The following BAG6 variants were observed in gnomAD, a reference collection of about 807,000 sequenced individuals.
BAG6 encodes large proline-rich protein BAG6.
BAG6 carries 22 observed loss-of-function variants against 121.0 expected under a neutral mutation model. That is an observed-to-expected ratio of 0.18 (90% CI 0.13 to 0.26). The LOEUF (loss-of-function observed/expected upper bound fraction) is 0.26. BAG6 is among the 10% of genes least tolerant of loss of function. The pLI is 1.00. For synonymous variants in BAG6, 583 were observed against 584.6 expected, an observed-to-expected ratio of 1.00 and a Z score of 0.04; for missense variants, 1,233 against 1,537.7, an observed-to-expected ratio of 0.80 and a Z score of 3.31.
chr6:31,644,135 G>A lies in BAG6; in HGVS notation c.1615C>T (p.Pro539Ser), dbSNP rs1786084780. 1 of 1,614,102 alleles carries A rather than the reference G, an allele frequency of 6.2e-7. No homozygotes were observed. The highest frequency in any genetic ancestry group is 8.5e-7 in the Non-Finnish European group (1 of 1,179,978). Reference sequence around the variant, plus strand: ...GGATGGGAAGGCCGAGCCTGTGGAGGAGTGGGCCGGGCAATCACCACCCGG... The same window carrying A: ...GGATGGGAAGGCCGAGCCTGTGGAGAAGTGGGCCGGGCAATCACCACCCGG... Reference protein sequence around the residue: ...PTRVVIARPTPPQARPSHPGG... With the variant: ...PTRVVIARPTSPQARPSHPGG... The change falls in exon 13 of 26, where the codon CCT (proline) becomes TCT (serine). Residue 539 changes from proline (P) to serine (S), a missense_variant. Around this residue, in one of 7 missense-constraint regions of BAG6, gnomAD observed 777 missense variants for 861.4 expected, o/e 0.90. Transcript: ENST00000676615. The surrounding 1 kb of genome is among the most constrained non-coding windows in gnomAD (Gnocchi z 4.9).
At chr6:31,647,936 A>T in intron 6 of BAG6, 110 bp from the exon 7 acceptor site, 1 of 1,355,940 alleles carries the variant, frequency 7.4e-7, no homozygotes, top group East Asian at 2.8e-5. Flanking sequence ...CCCTGAAGGC[A>T]TGGCTCTGCA....
Position 31,641,648 on chromosome 6 carries a change from A to G in BAG6, c.2506-56T>C, listed in dbSNP as rs371314232. On this transcript the variant is annotated intron_variant, in intron 17 of 25. Transcript: ENST00000676615. The surrounding 1 kb of genome is among the most constrained non-coding windows in gnomAD (Gnocchi z 5.7). ...AAGCCTCAGTCCTCCCAAGACTTCC[A>G]CCTCGACCCCAACAAGTCCAGGGCT... The G allele has an allele frequency of 8.4e-4, 1,347 of 1,613,038 alleles. 3 individuals carry two copies. Among genetic ancestry groups the G allele is most frequent in the Non-Finnish European group, 1.1e-3 (1,254 of 1,179,054 alleles).
chr6:31,640,484 G>C lies in BAG6; in HGVS notation c.3039C>G (p.Ala1013=). 6.2e-7 allele frequency: 1 copy of C among 1,613,086 alleles called. No individual in the cohort carries two copies. The highest frequency in any genetic ancestry group is 8.5e-7 in the Non-Finnish European group (1 of 1,180,022). ...SPAPGTTAEE[A]MSRGPPPAPE... ...GAGCAGGAGGTGGACCTCGGGACAT[G>C]GCCTCTTCTGCTGTTGTTCCAGGGG... Residue 1013 remains alanine, a synonymous_variant, in exon 23 of 26, where the codon GCC becomes GCG. Coordinates refer to ENST00000676615, the MANE Select transcript of BAG6 (RefSeq NM_001387994.1). This position sits in a 1 kb window ranked among gnomAD's most constrained non-coding sequence, Gnocchi z 4.2.
Position 31,640,173 on chromosome 6 carries a change from G to A in BAG6, c.3246+26C>T. On this transcript the variant is annotated intron_variant, in intron 24 of 25. Transcript: ENST00000676615. This position sits in a 1 kb window ranked among gnomAD's most constrained non-coding sequence, Gnocchi z 4.2. ...TGACGGGGAAACCTGGATAGAGAGA[G>A]AGGCTTAGGGAAGAGGAAAACCAAC... 1 of 1,605,346 alleles carries A rather than the reference G, an allele frequency of 6.2e-7. No homozygotes were observed. Among genetic ancestry groups the A allele is most frequent in the Non-Finnish European group, 8.5e-7 (1 of 1,172,494 alleles).
At chr6:31,646,778 T>G (rs1332559258) in intron 7 of BAG6, among the ~76,000 whole-genome samples, 20 of 131,340 alleles carry the variant, frequency 1.5e-4, no homozygotes, top group Non-Finnish European at 2.8e-4. Context: ...TTTTTTTTTT[T>G]TTTTTTTTTT....
At position 31,647,815 on chromosome 6, in the gene BAG6, CCCT is replaced by C. The variant is rs761786858; in HGVS notation, c.561_563del (p.Gly188del). 3.9e-6 allele frequency: 6 copies of C among 1,548,842 alleles called. No homozygotes were observed. The highest frequency in any genetic ancestry group is 5.2e-6 in the Non-Finnish European group (6 of 1,152,718). On this transcript the variant is annotated inframe_deletion, in exon 7 of 26. Transcript: ENST00000676615. ...GCGGCTGACTGTGCTGCGGTTGGGG[CCCT>C]CCTCGACACTGAAGGTAGGGGAGAG...
In BAG6 at chr6:31,641,499, C is replaced by G. The variant is rs1782714697; in HGVS notation, c.2559+40G>C. ...GAGTGGAGGAGGCAGCTGCCTTGAC[C>G]AGACCCAGGAGAGGAAAGGAATAGA... On this transcript the variant is annotated intron_variant, in intron 18 of 25. Coordinates refer to ENST00000676615, the MANE Select transcript of BAG6 (RefSeq NM_001387994.1). This position sits in a 1 kb window ranked among gnomAD's most constrained non-coding sequence, Gnocchi z 5.7. 6.2e-7 allele frequency: 1 copy of G among 1,613,988 alleles called. No homozygotes were observed. Among genetic ancestry groups the G allele is most frequent in the South Asian group, 1.1e-5 (1 of 91,088 alleles).
At chr6:31,642,005 C>T in intron 16 of BAG6, 60 bp from the exon 17 acceptor site, 3 of 1,601,274 alleles carry the variant, frequency 1.9e-6, no homozygotes, top group South Asian at 1.1e-5. Flanking sequence ...CCACCCACAA[C>T]CAGATCATCA....
At position 31,645,400 on chromosome 6, in the gene BAG6, A is replaced by C. The variant is rs753295551; in HGVS notation, c.1116+7T>G. 2.5e-6 allele frequency: 4 copies of C among 1,613,030 alleles called. No individual in the cohort carries two copies. The highest frequency in any genetic ancestry group is 2.5e-6 in the Non-Finnish European group (3 of 1,180,020). ...CTCTCCCTCAGGCCAGACTCCCCCTAACCCACCTGTATGGGAATGGCTGCC... is the reference window on the plus strand; with the variant it reads ...CTCTCCCTCAGGCCAGACTCCCCCTCACCCACCTGTATGGGAATGGCTGCC... On this transcript the variant is annotated splice_region_variant and intron_variant, in intron 9 of 25. Coordinates refer to ENST00000676615, the MANE Select transcript of BAG6 (RefSeq NM_001387994.1).
chr6:31,642,878 G>C lies in BAG6; in HGVS notation c.1994C>G (p.Ala665Gly). The stretch of plus-strand genomic sequence containing the variant: ...GAGAAAGGCAGGGACACCAGGCATC[G>C]CCACAGTGATGGTGGGAGAAGCCAC... Reference protein sequence around the residue: ...SGVASPTITVAMPGVPAFLQG... With the variant: ...SGVASPTITVGMPGVPAFLQG... The change falls in exon 15 of 26, where the codon GCG (alanine) becomes GGG (glycine). Residue 665 changes from alanine (A) to glycine (G), a missense_variant. Transcript: ENST00000676615. 1.9e-6 allele frequency: 3 copies of C among 1,612,202 alleles called. No homozygotes were observed. The highest frequency in any genetic ancestry group is 2.5e-6 in the Non-Finnish European group (3 of 1,179,368).
In BAG6 at chr6:31,644,802, T is replaced by A; in HGVS notation, c.1369+144A>T. ...CAAACCAACCCCCACACCCCCCACA[T>A]CTGTCTACTTAAGCTTCTGCTCTGG... On this transcript the variant is annotated intron_variant, in intron 10 of 25. Transcript: ENST00000676615. The surrounding 1 kb of genome is among the most constrained non-coding windows in gnomAD (Gnocchi z 4.9). The A allele has an allele frequency of 2.9e-6, 4 of 1,366,172 alleles. No individual in the cohort carries two copies. Among genetic ancestry groups the A allele is most frequent in the Non-Finnish European group, 4.0e-6 (4 of 990,000 alleles). 84.6% of individuals were successfully genotyped at this position (1,366,172 alleles called of 1,614,324 possible).
intron 7 of BAG6, among the ~76,000 whole-genome samples, chr6:31,646,853 A>C (rs1340966115): frequency 2.8e-5 from 4 of 142,298 alleles, no homozygotes; most frequent in Non-Finnish European, 6.0e-5. Context: ...AGCTCACTGC[A>C]AGCTCCGTCT....
rs758447341 is a variant in BAG6 at position 31,644,352 on chromosome 6, T to G, written c.1510A>C (p.Ile504Leu). 25 of 1,551,380 alleles carry G rather than the reference T, an allele frequency of 1.6e-5. No homozygotes were observed. The highest frequency in any genetic ancestry group is 2.2e-5 in the Non-Finnish European group (25 of 1,147,166). The change falls in exon 12 of 26, where the codon ATC becomes CTC. Residue 504 changes from isoleucine (I) to leucine (L), a missense_variant. Around this residue, in one of 7 missense-constraint regions of BAG6, gnomAD observed 777 missense variants for 861.4 expected, o/e 0.90. Transcript: ENST00000676615. The surrounding 1 kb of genome is among the most constrained non-coding windows in gnomAD (Gnocchi z 4.9). Reference sequence around the variant, plus strand: ...GCTGCCACCATGGCCTGATGAGTGATCTGGTGGGCGACGGCGTGCATGAAC... The same window carrying G: ...GCTGCCACCATGGCCTGATGAGTGAGCTGGTGGGCGACGGCGTGCATGAAC... Reference protein sequence around the residue: ...PEFMHAVAHQITHQAMVAAVA... With the variant: ...PEFMHAVAHQLTHQAMVAAVA...
At chr6:31,639,268 G>A in intron 25 of BAG6, 42 bp from the exon 26 acceptor site, 1 of 1,564,962 alleles carries the variant, frequency 6.4e-7, no homozygotes, top group Non-Finnish European at 8.8e-7. Context: ...CGCTGGCCAA[G>A]TCCCCATGAT....
Position 31,644,933 on chromosome 6 carries a change from C to A in BAG6, c.1369+13G>T. On this transcript the variant is annotated intron_variant, in intron 10 of 25. Transcript: ENST00000676615. This position sits in a 1 kb window ranked among gnomAD's most constrained non-coding sequence, Gnocchi z 4.9. ...ATGCTGATCCTGCTCTTCTCGCCAG[C>A]AACTATTCTCACCTTGAATGTTCAT... 6.4e-7 allele frequency: 1 copy of A among 1,558,700 alleles called. No individual in the cohort carries two copies. Among genetic ancestry groups the A allele is most frequent in the South Asian group, 1.2e-5 (1 of 81,972 alleles).
intron 7 of BAG6, among the ~76,000 whole-genome samples, chr6:31,647,298 G>A (rs948644976): frequency 6.6e-6 from 1 of 152,184 alleles, no homozygotes; most frequent in African/African-American, 2.4e-5. Context: ...CTACAATGGT[G>A]AAAGACTAAT....
Position 31,641,977 on chromosome 6 carries a change from C to G in BAG6, c.2336-32G>C, listed in dbSNP as rs1783291173. On this transcript the variant is annotated intron_variant, in intron 16 of 25. Coordinates refer to ENST00000676615, the MANE Select transcript of BAG6 (RefSeq NM_001387994.1). The surrounding 1 kb of genome is among the most constrained non-coding windows in gnomAD (Gnocchi z 5.7). ...GACAAGGGCAGATGTTAGCAATGGC[C>G]TTTACCACCTGGCCTGCCCACCCAC... 6.2e-7 allele frequency: 1 copy of G among 1,609,328 alleles called. No homozygotes were observed. The highest frequency in any genetic ancestry group is 8.5e-7 in the Non-Finnish European group (1 of 1,177,458).
chr6:31,648,717 T>A lies in BAG6; in HGVS notation c.512A>T (p.His171Leu). ...EPRVRLVMAQ[H>L]MIRDIQTLLS... Reference sequence around the variant, plus strand: ...TAAGGTCTGTATATCCCTGATCATGTGCTGAGCCATCACCAGCCGTACCCG... The same window carrying A: ...TAAGGTCTGTATATCCCTGATCATGAGCTGAGCCATCACCAGCCGTACCCG... Residue 171 changes from histidine (H) to leucine (L), a missense_variant, in exon 6 of 26, where the codon CAC becomes CTC. Around this residue, in one of 7 missense-constraint regions of BAG6, gnomAD observed 777 missense variants for 861.4 expected, o/e 0.90. Transcript: ENST00000676615. 1 of 1,614,098 alleles carries A rather than the reference T, an allele frequency of 6.2e-7. No homozygotes were observed. Among genetic ancestry groups the A allele is most frequent in the Non-Finnish European group, 8.5e-7 (1 of 1,180,018 alleles).
At chr6:31,646,583 T>G (rs963541590) in intron 7 of BAG6, 60 bp from the exon 8 acceptor site, 5 of 1,592,816 alleles carry the variant, frequency 3.1e-6, no homozygotes, top group Non-Finnish European at 4.3e-6. Flanking sequence ...ACCCTCACAG[T>G]CAACAGGGAC....
Sources: allele counts gnomAD v4.1 joint callset (sites outside exome capture counted in the v4.1 genomes callset), GRCh38; gene constraint gnomAD v4.1.1; regional missense constraint gnomAD v4.1.1; non-coding constraint Gnocchi (gnomAD v3.1); transcripts MANE v1.5; gene names NCBI Gene and HGNC (gene_info 2026-07-23, HGNC 2026-07-21).